The following FSTL4 variants were observed in gnomAD, a reference collection of about 807,000 sequenced individuals.
The protein encoded by FSTL4 is follistatin-related protein 4.
FSTL4 carries 28 observed loss-of-function variants against 78.2 expected under a neutral mutation model. The observed-to-expected ratio is 0.36, with a 90% CI of 0.27 to 0.49. The LOEUF (loss-of-function observed/expected upper bound fraction) is 0.49, where lower values mean the gene tolerates loss of function less well. Among genes scored for constraint, FSTL4 ranks in the 20% least tolerant of loss-of-function variants. FSTL4 has a pLI of 0.98. For missense variants in FSTL4, 922 were observed against 1,084.9 expected (o/e 0.85, Z 2.11); for synonymous variants, 422 against 440.5 (o/e 0.96, Z 0.53).
At chr5:133,326,587 G>T (rs1474641565) in intron 4 of FSTL4, among the ~76,000 whole-genome samples, 1 of 152,178 alleles carries the variant, frequency 6.6e-6, no homozygotes, top group Non-Finnish European at 1.5e-5. Flanking sequence ...CCCACTCCCT[G>T]CCAGAAAGCC....
chr5:133,409,781 T>C (rs1195016395), intron 3 of FSTL4, among the ~76,000 whole-genome samples: 1 of 152,150 alleles, frequency 6.6e-6, no homozygotes, highest in Non-Finnish European at 1.5e-5. Flanking sequence ...AGCTGAGTAA[T>C]CCATCAATGG....
chr5:133,474,954 C>T (rs246958), intron 3 of FSTL4, among the ~76,000 whole-genome samples: 19,456 of 152,156 alleles, frequency 0.13, 2,199 homozygotes, highest in African/African-American at 0.31. Context: ...CAAGTCATTC[C>T]GTGGCCCCGA....
At chr5:133,317,549 T>C (rs950557597) in intron 4 of FSTL4, among the ~76,000 whole-genome samples, 2 of 152,258 alleles carry the variant, frequency 1.3e-5, no homozygotes, top group African/African-American at 4.8e-5. Flanking sequence ...AATGGGTTGC[T>C]GGAGCCTGGG....
At position 133,236,511 on chromosome 5, in the gene FSTL4, T is replaced by C. The variant is rs1751667754; in HGVS notation, c.895-2974A>G. Among the ~76,000 whole-genome samples the C allele has an allele frequency of 6.6e-6, 1 of 152,256 alleles. No individual in the cohort carries two copies. The highest frequency in any genetic ancestry group is 6.5e-5 in the Admixed American group (1 of 15,306). On this transcript the variant is annotated intron_variant, in intron 7 of 15. Coordinates refer to ENST00000265342, the MANE Select transcript of FSTL4 (RefSeq NM_015082.2). This position sits in a 1 kb window ranked among gnomAD's most constrained non-coding sequence, Gnocchi z 5.0. ...ACACTAGGCTCTCCTTGCAGATTCATTCAGAGTGGGGTCTTCTCTCACCAC... is the reference window on the plus strand; with the variant it reads ...ACACTAGGCTCTCCTTGCAGATTCACTCAGAGTGGGGTCTTCTCTCACCAC...
intron 3 of FSTL4, among the ~76,000 whole-genome samples, chr5:133,522,176 T>C (rs746717345): frequency 5.3e-5 from 8 of 152,092 alleles, no homozygotes; most frequent in Non-Finnish European, 7.4e-5. Context: ...TCCAGACAAA[T>C]AGCTGTCAAG....
chr5:133,216,566 G>T (rs923676559), intron 13 of FSTL4, among the ~76,000 whole-genome samples: 5 of 152,188 alleles, frequency 3.3e-5, no homozygotes, highest in African/African-American at 1.2e-4. Context: ...GGCCAGGCTG[G>T]TCTCAAACTC....
At chr5:133,457,269 C>T (rs1336586771) in intron 3 of FSTL4, among the ~76,000 whole-genome samples, 1 of 152,228 alleles carries the variant, frequency 6.6e-6, no homozygotes, top group Non-Finnish European at 1.5e-5. Flanking sequence ...TGCCATGGAA[C>T]TGCAAACAGC....
the FSTL4 span, among the ~76,000 whole-genome samples, chr5:133,784,104 C>T: frequency 2.0e-5 from 3 of 152,098 alleles, no homozygotes; most frequent in African/African-American, 7.2e-5. Flanking sequence ...AGGATACGTA[C>T]AGGGAATTTA....
the FSTL4 span, among the ~76,000 whole-genome samples, chr5:133,748,299 G>T: frequency 1.2e-3 from 177 of 152,312 alleles, 1 homozygote; most frequent in Middle Eastern, 0.017. Flanking sequence ...GCCAGGTGTG[G>T]TGGCTCACAT....
intron 3 of FSTL4, among the ~76,000 whole-genome samples, chr5:133,446,507 C>G (rs1230594731): frequency 6.6e-6 from 1 of 152,210 alleles, no homozygotes; most frequent in Non-Finnish European, 1.5e-5. Context: ...CTGTGGGGCT[C>G]TCTTCTGCTC....
chr5:133,420,902 G>A (rs978582168), intron 3 of FSTL4, among the ~76,000 whole-genome samples: 4 of 152,242 alleles, frequency 2.6e-5, no homozygotes, highest in African/African-American at 7.2e-5. Flanking sequence ...GAAGGGTGAC[G>A]GGACAGTGGA....
chr5:133,331,235 A>G (rs113467733), intron 4 of FSTL4, among the ~76,000 whole-genome samples: 2,873 of 152,294 alleles, frequency 0.019, 84 homozygotes, highest in African/African-American at 0.064. Flanking sequence ...GCCCTGAAAT[A>G]ACAGGTGGGG....
intron 3 of FSTL4, among the ~76,000 whole-genome samples, chr5:133,401,830 G>C (rs919486480): frequency 6.6e-6 from 1 of 152,034 alleles, no homozygotes; most frequent in Non-Finnish European, 1.5e-5. Flanking sequence ...TCAGGTAGAA[G>C]ACTAGATGTG....
chr5:133,329,658 A>G (rs1431063329), intron 4 of FSTL4, among the ~76,000 whole-genome samples: 1 of 152,136 alleles, frequency 6.6e-6, no homozygotes, highest in Non-Finnish European at 1.5e-5. Context: ...CTGGAAGCTG[A>G]CTAGATTGTG....
At chr5:133,560,686 G>A (rs1759892182) in intron 3 of FSTL4, among the ~76,000 whole-genome samples, 1 of 151,408 alleles carries the variant, frequency 6.6e-6, no homozygotes, top group Admixed American at 6.6e-5. Context: ...GTTCTTAAAG[G>A]CACCATCTTA....
At chr5:133,820,664 G>C in the FSTL4 span, among the ~76,000 whole-genome samples, 3 of 152,312 alleles carry the variant, frequency 2.0e-5, no homozygotes, top group East Asian at 5.8e-4. Context: ...TGCAACATTC[G>C]CCAAACCCGG....
rs528915419 is a variant in FSTL4, at chr5:133,198,908, C to G, written c.*187G>C. The G allele has an allele frequency of 3.8e-5, 18 of 475,552 alleles. No individual in the cohort carries two copies. The highest frequency in any genetic ancestry group is 5.9e-5 in the Non-Finnish European group (16 of 270,202). 29.5% of individuals were successfully genotyped at this position (475,552 alleles called of 1,614,324 possible). The stretch of plus-strand genomic sequence containing the variant: ...TCAAGGCATAAATCATACTTCCTAA[C>G]GAAAAAACCCCAATCTTGGTAGCAG... On this transcript the variant is annotated 3_prime_UTR_variant, in exon 16 of 16. Transcript: ENST00000265342.
At chr5:133,401,034 T>G (rs866513909) in intron 3 of FSTL4, 48 bp from the exon 4 acceptor site, 3 of 1,601,242 alleles carry the variant, frequency 1.9e-6, no homozygotes, top group African/African-American at 2.7e-5. Flanking sequence ...ACTCAGAGGG[T>G]CTGGGGTCGA....
chr5:133,535,606 C>G (rs1171140531), intron 3 of FSTL4, among the ~76,000 whole-genome samples: 1 of 152,200 alleles, frequency 6.6e-6, no homozygotes, highest in African/African-American at 2.4e-5. Context: ...GTTCAGGGCT[C>G]TCAGCTCTGA....
Sources: gnomAD v4.1 joint callset for allele counts (sites outside exome capture counted in the v4.1 genomes callset) on GRCh38, gnomAD v4.1.1 for gene constraint, Gnocchi (gnomAD v3.1) non-coding constraint, MANE v1.5 for transcripts, NCBI Gene and HGNC (gene_info 2026-07-23, HGNC 2026-07-21) for gene names.